Variants in CADPS2 observed in about 807,000 individuals in gnomAD.
The protein encoded by CADPS2 is calcium dependent secretion activator 2.
A neutral mutation model predicts 172.5 loss-of-function variants in CADPS2; 93 were observed. That is an observed-to-expected ratio of 0.54 (90% confidence interval 0.46 to 0.64). The LOEUF (loss-of-function observed/expected upper bound fraction) is 0.64, where lower values mean the gene tolerates loss of function less well. Among genes scored for constraint, CADPS2 ranks in the 30% least tolerant of loss-of-function variants. CADPS2 has a pLI of 0.00. For synonymous variants in CADPS2, 546 were observed against 555.2 expected (o/e 0.98, Z 0.23); for missense variants, 1,420 against 1,565.9 (o/e 0.91, Z 1.57).
chr7:122,481,503 G>C (rs945409765), intron 11 of CADPS2, among the ~76,000 whole-genome samples: 4 of 152,176 alleles, frequency 2.6e-5, no homozygotes, highest in Admixed American at 1.3e-4. Context: ...CACTTCGGGA[G>C]CTGAGGTGGG....
intron 11 of CADPS2, 70 bp downstream of exon 11, chr7:122,490,011 C>T (rs1005693177): frequency 1.3e-5 from 17 of 1,298,234 alleles, no homozygotes; most frequent in African/African-American, 5.9e-5. Flanking sequence ...ATACTGAATA[C>T]ATTTGCCTCA....
At chr7:122,630,347 A>T (rs1278271567) in intron 3 of CADPS2, among the ~76,000 whole-genome samples, 1 of 151,872 alleles carries the variant, frequency 6.6e-6, no homozygotes, top group African/African-American at 2.4e-5. Context: ...TTAACAGGAT[A>T]GTGGTGGTAA....
At chr7:122,507,809 T>C (rs1206269810) in intron 9 of CADPS2, among the ~76,000 whole-genome samples, 1 of 152,066 alleles carries the variant, frequency 6.6e-6, no homozygotes, top group African/African-American at 2.4e-5. Flanking sequence ...GTGGAGAAGA[T>C]GGAGATGACT....
intron 17 of CADPS2, among the ~76,000 whole-genome samples, chr7:122,416,916 T>C (rs1295289807): frequency 1.3e-5 from 2 of 152,222 alleles, no homozygotes; most frequent in African/African-American, 4.8e-5. Context: ...AAAGAAGCCC[T>C]GTGTAATGAA....
intron 2 of CADPS2, among the ~76,000 whole-genome samples, chr7:122,687,824 C>T (rs2083833105): frequency 6.6e-6 from 1 of 152,126 alleles, no homozygotes; most frequent in Admixed American, 6.5e-5. Flanking sequence ...GTAAAATCAC[C>T]ACTAATATAA....
chr7:122,387,172 T>C lies in CADPS2; in HGVS notation c.3166A>G (p.Thr1056Ala). The change falls in exon 24 of 30, where the codon ACA becomes GCA. Residue 1056 changes from threonine (T) to alanine (A), a missense_variant and splice_region_variant. By Grantham distance (58) the Thr-to-Ala change is moderately conservative. Transcript: ENST00000449022. ...SDMLEACVKRTRTAFELKLQK... is the reference protein window; with the variant it reads ...SDMLEACVKRARTAFELKLQK... ...AGCTTGAGTTCAAATGCAGTTCTTG[T>C]TCTAGTTTTTAAAACATGAATTCAG... 1 of 1,574,918 alleles carries C rather than the reference T, an allele frequency of 6.3e-7. No individual in the cohort carries two copies. The highest frequency in any genetic ancestry group is 8.6e-7 in the Non-Finnish European group (1 of 1,157,986).
chr7:122,563,521 A>G (rs2066014996), intron 7 of CADPS2, among the ~76,000 whole-genome samples: 1 of 152,170 alleles, frequency 6.6e-6, no homozygotes, highest in Admixed American at 6.6e-5. Context: ...AAATCACTTC[A>G]AGATAACAAC....
chr7:122,489,598 T>C (rs909686384), intron 11 of CADPS2, among the ~76,000 whole-genome samples: 1 of 152,118 alleles, frequency 6.6e-6, no homozygotes, highest in Non-Finnish European at 1.5e-5. Flanking sequence ...GGGAAAAAAG[T>C]TGGCTTTATG....
chr7:122,663,444 G>A lies in CADPS2; in HGVS notation c.579C>T (p.Gly193=). 1 of 1,613,860 alleles carries A rather than the reference G, an allele frequency of 6.2e-7. No homozygotes were observed. The highest frequency in any genetic ancestry group is 8.5e-7 in the Non-Finnish European group (1 of 1,179,858). Residue 193 remains glycine, a synonymous_variant, in exon 3 of 30, where the codon GGC becomes GGT. Transcript: ENST00000449022. The part of the protein sequence containing the change: ...KRVRSLPEID[G]LSKETVLSSW... ...AGCTCAACACTGTCTCTTTGCTCAA[G>A]CCATCTATTTCTGGCAAACTCCGCA... is the stretch of plus-strand genomic sequence containing the variant.
At chr7:122,635,032 A>G (rs1490731636) in intron 3 of CADPS2, among the ~76,000 whole-genome samples, 7 of 152,056 alleles carry the variant, frequency 4.6e-5, no homozygotes, top group Non-Finnish European at 4.4e-5. Context: ...TAGTATTTCA[A>G]TATTTTGAAT....
intron 12 of CADPS2, among the ~76,000 whole-genome samples, chr7:122,475,585 A>G (rs1412905253): frequency 2.0e-5 from 3 of 152,216 alleles, no homozygotes; most frequent in South Asian, 2.1e-4. Context: ...ATAAAACTCA[A>G]TATTGATCTG....
chr7:122,327,903 C>T (rs952269289), intron 28 of CADPS2, among the ~76,000 whole-genome samples: 2 of 151,662 alleles, frequency 1.3e-5, no homozygotes, highest in African/African-American at 4.8e-5. Context: ...GTTCTATCAG[C>T]AAAAGCTTCT....
intron 1 of CADPS2, among the ~76,000 whole-genome samples, chr7:122,748,963 G>A (rs2092833852): frequency 6.6e-6 from 1 of 152,060 alleles, no homozygotes; most frequent in South Asian, 2.1e-4. Flanking sequence ...CTTAAGTGAA[G>A]TATTTCAGGG....
chr7:122,474,434 T>C lies in CADPS2; in HGVS notation c.1945A>G (p.Ile649Val). The C allele has an allele frequency of 6.2e-7, 1 of 1,613,462 alleles. No individual in the cohort carries two copies. The highest frequency in any genetic ancestry group is 1.7e-4 in the Middle Eastern group (1 of 6,056). The change falls in exon 13 of 30, where the codon ATA becomes GTA. Residue 649 changes from isoleucine to valine, a missense_variant. Coordinates refer to ENST00000449022, the MANE Select transcript of CADPS2 (RefSeq NM_017954.11). Reference protein sequence around the residue: ...CKLDHAFLFRILQRQTLDHRL... With the variant: ...CKLDHAFLFRVLQRQTLDHRL... ...TGATCCAAAGTCTGCCTCTGGAGTA[T>C]TCTAAAAAGGAAGGCATGATCAAGC... is the stretch of plus-strand genomic sequence containing the variant.
intron 28 of CADPS2, among the ~76,000 whole-genome samples, chr7:122,342,849 G>T (rs1349458421): frequency 6.6e-6 from 1 of 152,130 alleles, no homozygotes; most frequent in Non-Finnish European, 1.5e-5. Context: ...ATGCCTGAAT[G>T]AAATTTTTCT....
intron 8 of CADPS2, among the ~76,000 whole-genome samples, chr7:122,514,145 G>T (rs2060186947): frequency 6.6e-6 from 1 of 152,046 alleles, no homozygotes. Context: ...CCAAAATTAT[G>T]CCACAAAATT....
chr7:122,486,596 G>A (rs1023146857), intron 11 of CADPS2, among the ~76,000 whole-genome samples: 2 of 152,226 alleles, frequency 1.3e-5, no homozygotes, highest in Non-Finnish European at 2.9e-5. Context: ...TGAAGATGCT[G>A]TGAACATTGT....
At chr7:122,623,163 C>A (rs942346218) in intron 4 of CADPS2, among the ~76,000 whole-genome samples, 1 of 149,346 alleles carries the variant, frequency 6.7e-6, no homozygotes, top group Non-Finnish European at 1.5e-5. Context: ...AAGCAACATT[C>A]CAAAACAGCA....
intron 2 of CADPS2, among the ~76,000 whole-genome samples, chr7:122,674,772 C>A (rs2135654461): frequency 6.6e-6 from 1 of 152,302 alleles, no homozygotes; most frequent in East Asian, 1.9e-4. Flanking sequence ...TCCAGGAAGG[C>A]TGCCAGCATG....
Sources: allele counts gnomAD v4.1 joint callset (sites outside exome capture counted in the v4.1 genomes callset), GRCh38; gene constraint gnomAD v4.1.1; transcripts MANE v1.5; gene names NCBI Gene and HGNC (gene_info 2026-07-23, HGNC 2026-07-21).